Variants in FAM110B observed in about 807,000 individuals in gnomAD.
FAM110B encodes the protein family with sequence similarity 110 member B.
In FAM110B, 6 loss-of-function variants were observed where a neutral mutation model predicts 20.4. The observed-to-expected ratio is 0.29, with a 90% CI of 0.16 to 0.58. The LOEUF is 0.58. FAM110B is among the 20% of genes least tolerant of loss of function. FAM110B has a pLI of 0.90. For synonymous variants in FAM110B, 226 were observed against 214.1 expected, an observed-to-expected ratio of 1.06 and a Z score of -0.49; for missense variants, 434 against 498.2, an observed-to-expected ratio of 0.87 and a Z score of 1.23.
intron 2 of FAM110B, among the ~76,000 whole-genome samples, chr8:58,050,876 C>T (rs1041487307): frequency 2.0e-5 from 3 of 152,126 alleles, no homozygotes; most frequent in East Asian, 1.9e-4. Flanking sequence ...CTTTGAATTC[C>T]GCCTCCATGG....
At chr8:58,000,860 G>A (rs529835531) in intron 1 of FAM110B, among the ~76,000 whole-genome samples, 1 of 152,326 alleles carries the variant, frequency 6.6e-6, no homozygotes, top group East Asian at 1.9e-4. Context: ...CCTAGCCAGT[G>A]TCCTTTCAAA....
chr8:58,112,975 G>GT (rs1807100668), intron 3 of FAM110B, among the ~76,000 whole-genome samples: 1 of 152,154 alleles, frequency 6.6e-6, no homozygotes, highest in Non-Finnish European at 1.5e-5. Flanking sequence ...TTCGTGTCTA[G>GT]TGAAGCCCCA....
chr8:58,007,858 G>A (rs900193018), intron 1 of FAM110B, among the ~76,000 whole-genome samples: 3 of 152,136 alleles, frequency 2.0e-5, no homozygotes, highest in Admixed American at 6.5e-5. Context: ...ATTATGCTAG[G>A]TGCTGGGAAT....
intron 1 of FAM110B, among the ~76,000 whole-genome samples, chr8:58,006,378 C>A (rs755588092): frequency 6.6e-6 from 1 of 152,176 alleles, no homozygotes; most frequent in African/African-American, 2.4e-5. Flanking sequence ...ACTACAGACA[C>A]TGGCTTGGGA....
chr8:58,035,095 G>A (rs1284089580), intron 2 of FAM110B, among the ~76,000 whole-genome samples: 1 of 152,062 alleles, frequency 6.6e-6, no homozygotes, highest in African/African-American at 2.4e-5. Flanking sequence ...TTCTTATTAG[G>A]TGCTACTTTT....
intron 2 of FAM110B, among the ~76,000 whole-genome samples, chr8:58,058,018 T>C (rs1234029541): frequency 6.6e-6 from 1 of 152,256 alleles, no homozygotes; most frequent in Non-Finnish European, 1.5e-5. Context: ...GGAGAGGCTA[T>C]TTTGTCATTG....
At position 58,146,239 on chromosome 8, in the gene FAM110B, G is replaced by A. The variant is rs142607883; in HGVS notation, c.9G>A (p.Thr3=). The A allele has an allele frequency of 1.9e-6, 3 of 1,597,182 alleles. No individual in the cohort carries two copies. The Admixed American group carries it at 5.1e-5, about 27-fold the overall frequency. Reference sequence around the variant, plus strand: ...GGGAAAGACCGCCCACCATGCCCACGGAGACCCTACAGACAGGTAGCATGG... The same window carrying A: ...GGGAAAGACCGCCCACCATGCCCACAGAGACCCTACAGACAGGTAGCATGG... MP[T]ETLQTGSMVK... The change falls in exon 4 of 4, where the codon ACG becomes ACA. Residue 3 remains threonine, a synonymous_variant. Coordinates refer to ENST00000519262, the MANE Select transcript of FAM110B (RefSeq NM_001377989.1).
At chr8:58,095,938 A>G (rs1004091979) in intron 3 of FAM110B, among the ~76,000 whole-genome samples, 6 of 152,120 alleles carry the variant, frequency 3.9e-5, no homozygotes, top group Admixed American at 1.3e-4. Flanking sequence ...TTGTGTGCAT[A>G]TATATTTAGG....
At chr8:58,120,572 T>C (rs557160737) in intron 3 of FAM110B, among the ~76,000 whole-genome samples, 5 of 152,362 alleles carry the variant, frequency 3.3e-5, no homozygotes, top group Admixed American at 3.3e-4. Flanking sequence ...TAATTTATTT[T>C]TGTGTTGGAA....
At chr8:58,042,450 A>G (rs1805241384) in intron 2 of FAM110B, among the ~76,000 whole-genome samples, 3 of 152,092 alleles carry the variant, frequency 2.0e-5, no homozygotes, top group African/African-American at 4.8e-5. Context: ...ATCTATTCCT[A>G]GTTTAGTCAG....
At chr8:58,039,873 C>G (rs1805172859) in intron 2 of FAM110B, among the ~76,000 whole-genome samples, 1 of 152,234 alleles carries the variant, frequency 6.6e-6, no homozygotes, top group Admixed American at 6.5e-5. Flanking sequence ...AGTCCCACCT[C>G]AGCTTCCCAA....
At chr8:58,104,565 A>G (rs756071023) in intron 3 of FAM110B, among the ~76,000 whole-genome samples, 1 of 152,210 alleles carries the variant, frequency 6.6e-6, no homozygotes, top group African/African-American at 2.4e-5. Context: ...GCAGCCATCT[A>G]TGTTATTAAG....
chr8:58,052,252 A>G (rs981138050), intron 2 of FAM110B, among the ~76,000 whole-genome samples: 1 of 152,186 alleles, frequency 6.6e-6, no homozygotes, highest in Non-Finnish European at 1.5e-5. Context: ...AAATAGAACT[A>G]TATAGCTTTG....
chr8:58,043,967 A>T (rs1805272880), intron 2 of FAM110B, among the ~76,000 whole-genome samples: 1 of 152,232 alleles, frequency 6.6e-6, no homozygotes, highest in Admixed American at 6.5e-5. Flanking sequence ...TGTCTTCAAA[A>T]AATGTAATGC....
At chr8:58,022,693 T>C (rs1183684376) in intron 1 of FAM110B, among the ~76,000 whole-genome samples, 1 of 152,214 alleles carries the variant, frequency 6.6e-6, no homozygotes, top group African/African-American at 2.4e-5. Flanking sequence ...AGTATTGATA[T>C]TGGCATTGTT....
chr8:58,130,960 G>C (rs1243709639), intron 3 of FAM110B, among the ~76,000 whole-genome samples: 1 of 152,140 alleles, frequency 6.6e-6, no homozygotes, highest in Non-Finnish European at 1.5e-5. Flanking sequence ...CAGTATCACT[G>C]TCTTCCTTTT....
chr8:58,138,979 G>A (rs1305905515), intron 3 of FAM110B, among the ~76,000 whole-genome samples: 3 of 152,202 alleles, frequency 2.0e-5, no homozygotes, highest in Non-Finnish European at 4.4e-5. Flanking sequence ...TAGAGTAGAT[G>A]TGTCAAAAGA....
chr8:58,102,046 G>A (rs781149255), intron 3 of FAM110B, among the ~76,000 whole-genome samples: 32 of 152,136 alleles, frequency 2.1e-4, no homozygotes, highest in South Asian at 4.1e-4. Context: ...GCCACTTTTC[G>A]TTATTTTCCA....
chr8:58,042,970 A>G (rs1322930992), intron 2 of FAM110B, among the ~76,000 whole-genome samples: 1 of 152,228 alleles, frequency 6.6e-6, no homozygotes, highest in Non-Finnish European at 1.5e-5. Context: ...TCATAGCACC[A>G]GGAGCAGGGC....
Sources: allele counts gnomAD v4.1 joint callset (sites outside exome capture counted in the v4.1 genomes callset), GRCh38; gene constraint gnomAD v4.1.1; transcripts MANE v1.5; gene names NCBI Gene and HGNC (gene_info 2026-07-23, HGNC 2026-07-21).